Variants in PTPN13 observed in about 807,000 individuals in gnomAD.
PTPN13 encodes protein tyrosine phosphatase non-receptor type 13, also known as tyrosine-protein phosphatase non-receptor type 13.
A neutral mutation model predicts 284.0 loss-of-function variants in PTPN13; 191 were observed. The ratio of observed to expected loss-of-function variants is 0.67; its 90% CI spans 0.60 to 0.76. PTPN13 has a LOEUF of 0.76. PTPN13 is among the 30% of genes least tolerant of loss of function. The pLI is 0.00. For missense variants in PTPN13, 2,797 were observed against 2,939.9 expected, an observed-to-expected ratio of 0.95 and a Z score of 1.12; for synonymous variants, 986 against 1,022.3, an observed-to-expected ratio of 0.96 and a Z score of 0.68.
chr4:86,813,347 A>G (rs908268015), intron 47 of PTPN13, among the ~76,000 whole-genome samples: 2 of 152,230 alleles, frequency 1.3e-5, no homozygotes, highest in Non-Finnish European at 2.9e-5. Context: ...TGCACCATCA[A>G]CTTAATAGAA....
rs752883575 is a variant in PTPN13 at position 86,769,723 on chromosome 4, C to T, written c.4490-46C>T. The T allele has an allele frequency of 3.2e-6, 4 of 1,244,946 alleles. No homozygotes were observed. In the South Asian group the frequency reaches 4.3e-5, roughly 13 times the overall value. 77.1% of individuals were successfully genotyped at this position (1,244,946 alleles called of 1,614,324 possible). On this transcript the variant is annotated intron_variant, in intron 28 of 47. Coordinates refer to ENST00000411767, the MANE Select transcript of PTPN13 (RefSeq NM_080683.3). ...ATGTTTGTATGTTCCTATGTAAACA[C>T]AGCATGTTAATAATATCTAAATTTT... is the stretch of plus-strand genomic sequence containing the variant.
At chr4:86,680,091 T>A (rs1256776313) in intron 3 of PTPN13, among the ~76,000 whole-genome samples, 1 of 152,146 alleles carries the variant, frequency 6.6e-6, no homozygotes, top group African/African-American at 2.4e-5. Context: ...AATAAGGTAA[T>A]ACTTGTAAAG....
intron 30 of PTPN13, 62 bp from the exon 31 acceptor site, chr4:86,771,109 C>T: frequency 6.8e-7 from 1 of 1,467,604 alleles, no homozygotes; most frequent in Non-Finnish European, 9.0e-7. Flanking sequence ...GGTTTATTTT[C>T]AAATAAATGC....
At chr4:86,775,687 G>C (rs141436357) in intron 35 of PTPN13, 35 bp downstream of exon 35, 5 of 1,481,798 alleles carry the variant, frequency 3.4e-6, no homozygotes, top group Admixed American at 3.6e-5. Flanking sequence ...TTGATTGTGC[G>C]TGTGTGTGCA....
At chr4:86,650,200 T>C (rs966497074) in intron 2 of PTPN13, among the ~76,000 whole-genome samples, 2 of 152,206 alleles carry the variant, frequency 1.3e-5, no homozygotes, top group Admixed American at 6.5e-5. Flanking sequence ...TTGGCCAGGC[T>C]GGTCTCGAAC....
At chr4:86,621,864 T>C (rs1721291170) in intron 1 of PTPN13, among the ~76,000 whole-genome samples, 1 of 152,134 alleles carries the variant, frequency 6.6e-6, no homozygotes. Flanking sequence ...TGTCTCTTCC[T>C]TTTGCTCCCT....
chr4:86,723,744 T>C (rs1281615457), intron 10 of PTPN13, among the ~76,000 whole-genome samples: 1 of 152,234 alleles, frequency 6.6e-6, no homozygotes, highest in Non-Finnish European at 1.5e-5. Context: ...TTTTTTACTA[T>C]CATCAGCTTG....
Position 86,634,022 on chromosome 4 carries a change from A to G in PTPN13, c.-5-1230A>G, listed in dbSNP as rs140600673. 3.4e-3 allele frequency among the ~76,000 whole-genome samples: 511 copies of G among 152,318 alleles called. 1 individual carries two copies. Among genetic ancestry groups the G allele is most frequent in the African/African-American group, 0.012 (495 of 41,576 alleles). On this transcript the variant is annotated intron_variant, in intron 1 of 47. Coordinates refer to ENST00000411767, the MANE Select transcript of PTPN13 (RefSeq NM_080683.3). ...GACTTTAAGCATAAAATGTTTTAGT[A>G]AACATTTAAAAAGGAAAGTGAAAGG...
At chr4:86,612,735 T>C (rs929003762) in intron 1 of PTPN13, among the ~76,000 whole-genome samples, 5 of 151,932 alleles carry the variant, frequency 3.3e-5, no homozygotes, top group African/African-American at 4.8e-5. Context: ...AGAGAGGAAA[T>C]TGGGTTACGT....
chr4:86,814,081 C>G (rs541042500), intron 47 of PTPN13, among the ~76,000 whole-genome samples: 1 of 142,876 alleles, frequency 7.0e-6, no homozygotes, highest in South Asian at 2.3e-4. Flanking sequence ...AATCTCGGCT[C>G]ACTGCAACCT....
intron 9 of PTPN13, among the ~76,000 whole-genome samples, chr4:86,717,354 A>G (rs1733151789): frequency 6.6e-6 from 1 of 151,804 alleles, no homozygotes; most frequent in Non-Finnish European, 1.5e-5. Flanking sequence ...GTGCCTGGCT[A>G]ATTTTTGAAT....
chr4:86,803,832 A>G lies in PTPN13; in HGVS notation c.6629A>G (p.Gln2210Arg), dbSNP rs1744345797. ...VIRVLRGLLD[Q>R]GIPSKELENL... The stretch of plus-strand genomic sequence containing the variant: ...CGAGTCCTGCGGGGTTTGCTAGATC[A>G]AGGAATTCCTTCTAAGGAGCTGGAG... The change falls in exon 43 of 48, where the codon CAA becomes CGA. Residue 2210 changes from glutamine (Q) to arginine (R), a missense_variant. Physicochemically the swap from Gln to Arg is conservative, Grantham distance 43. Coordinates refer to ENST00000411767, the MANE Select transcript of PTPN13 (RefSeq NM_080683.3). 4 of 1,613,618 alleles carry G rather than the reference A, an allele frequency of 2.5e-6. No individual in the cohort carries two copies. The highest frequency in any genetic ancestry group is 1.1e-5 in the South Asian group (1 of 91,068).
chr4:86,769,011 C>T (rs1386111842), intron 28 of PTPN13, among the ~76,000 whole-genome samples: 3 of 152,096 alleles, frequency 2.0e-5, no homozygotes, highest in Non-Finnish European at 4.4e-5. Flanking sequence ...CACCCAGCCC[C>T]ATCATTCTTT....
intron 44 of PTPN13, among the ~76,000 whole-genome samples, chr4:86,807,294 A>C (rs1003971008): frequency 3.9e-5 from 6 of 152,168 alleles, no homozygotes; most frequent in Non-Finnish European, 5.9e-5. Context: ...TTTTAATTTC[A>C]ACTAAATCTA....
At chr4:86,736,252 A>G (rs1371585211) in intron 15 of PTPN13, among the ~76,000 whole-genome samples, 1 of 152,204 alleles carries the variant, frequency 6.6e-6, no homozygotes, top group East Asian at 1.9e-4. Context: ...TATTAGTTCT[A>G]CAGTCTATTA....
At chr4:86,608,538 G>C (rs1764994318) in intron 1 of PTPN13, among the ~76,000 whole-genome samples, 1 of 151,980 alleles carries the variant, frequency 6.6e-6, no homozygotes, top group Non-Finnish European at 1.5e-5. Flanking sequence ...AAAATATACT[G>C]TTTAATAAAA....
At chr4:86,637,857 G>T (rs1427637999) in intron 2 of PTPN13, among the ~76,000 whole-genome samples, 1 of 148,498 alleles carries the variant, frequency 6.7e-6, no homozygotes, top group Non-Finnish European at 1.5e-5. Flanking sequence ...AGGAAATAAA[G>T]GGTATTCAAT....
chr4:86,666,808 T>C (rs1372594518), intron 2 of PTPN13, among the ~76,000 whole-genome samples: 1 of 152,174 alleles, frequency 6.6e-6, no homozygotes, highest in Non-Finnish European at 1.5e-5. Context: ...AATCTTATTA[T>C]GCAAATGGAC....
At chr4:86,602,608 A>G (rs946729720) in intron 1 of PTPN13, among the ~76,000 whole-genome samples, 1 of 151,976 alleles carries the variant, frequency 6.6e-6, no homozygotes, top group Non-Finnish European at 1.5e-5. Context: ...TTGTTGATAC[A>G]TGTGATGTGT....
Sources: allele counts gnomAD v4.1 joint callset (sites outside exome capture counted in the v4.1 genomes callset), GRCh38; gene constraint gnomAD v4.1.1; transcripts MANE v1.5; gene names NCBI Gene and HGNC (gene_info 2026-07-23, HGNC 2026-07-21).